The following SEL1L2 variants were observed in gnomAD, a reference collection of about 807,000 sequenced individuals.
SEL1L2 encodes SEL1L2 adaptor subunit of SYVN1 ubiquitin ligase, also known as protein sel-1 homolog 2.
A neutral mutation model predicts 98.8 loss-of-function variants in SEL1L2; 89 were observed. The ratio of observed to expected loss-of-function variants is 0.90; its 90% confidence interval spans 0.76 to 1.07. The LOEUF (loss-of-function observed/expected upper bound fraction) is 1.07, where lower values mean the gene tolerates loss of function less well. Among genes scored for constraint, SEL1L2 ranks in the 50% least tolerant of loss-of-function variants. SEL1L2 has a pLI of 0.00. For synonymous variants in SEL1L2, 262 were observed against 278.5 expected, an observed-to-expected ratio of 0.94 and a Z score of 0.59; for missense variants, 788 against 812.0, an observed-to-expected ratio of 0.97 and a Z score of 0.36.
chr20:13,964,996 T>G (rs1469342079), intron 1 of SEL1L2, among the ~76,000 whole-genome samples: 1 of 152,170 alleles, frequency 6.6e-6, no homozygotes, highest in South Asian at 2.1e-4. Context: ...TCTTTTGTTT[T>G]GAGTCTCCTA....
In SEL1L2 at chr20:13,858,715, A is replaced by T. The variant is rs888019803; in HGVS notation, c.1818+547T>A. 3.9e-5 allele frequency among the ~76,000 whole-genome samples: 6 copies of T among 152,224 alleles called. No homozygotes were observed. The East Asian group carries it at 5.8e-4, about 15-fold the overall frequency. ...CAGTGCTGGCTGTTTTTCTAAGTGA[A>T]TATGACTCATCGCCTCAAGTCAAGT... On this transcript the variant is annotated intron_variant, in intron 18 of 19. Coordinates refer to ENST00000284951, the MANE Select transcript of SEL1L2 (RefSeq NM_025229.2).
At chr20:13,939,864 G>A (rs1032981058) in intron 2 of SEL1L2, among the ~76,000 whole-genome samples, 4 of 151,902 alleles carry the variant, frequency 2.6e-5, no homozygotes, top group Non-Finnish European at 5.9e-5. Context: ...ATGGGGTTTC[G>A]CCATGTTGGC....
chr20:13,920,877 AT>A (rs2048637109), intron 3 of SEL1L2, among the ~76,000 whole-genome samples: 1 of 152,200 alleles, frequency 6.6e-6, no homozygotes, highest in Non-Finnish European at 1.5e-5. Context: ...ATTTAAAATT[AT>A]TTTGAATACT....
At position 13,911,925 on chromosome 20, in the gene SEL1L2, A is replaced by C. The variant is rs569270024; in HGVS notation, c.549+1857T>G. Among the ~76,000 whole-genome samples the C allele has an allele frequency of 7.2e-5, 11 of 152,238 alleles. No individual in the cohort carries two copies. The South Asian group carries it at 2.3e-3, about 32-fold the overall frequency. ...TCCTCCCACATATCTTTTCTTTATA[A>C]TGAAAGATTACAGTGTTCCAGGTAT... On this transcript the variant is annotated intron_variant, in intron 5 of 19. Transcript: ENST00000284951.
intron 3 of SEL1L2, among the ~76,000 whole-genome samples, chr20:13,925,052 T>C (rs2048824327): frequency 6.6e-6 from 1 of 152,046 alleles, no homozygotes; most frequent in Non-Finnish European, 1.5e-5. Flanking sequence ...GGTAGGACAA[T>C]TGCTTAAACC....
intron 10 of SEL1L2, among the ~76,000 whole-genome samples, chr20:13,884,771 T>G (rs534179121): frequency 6.6e-6 from 1 of 152,102 alleles, no homozygotes; most frequent in Non-Finnish European, 1.5e-5. Context: ...CCTCCCAAAG[T>G]GCTGAGATTA....
At chr20:13,938,370 C>T (rs189398558) in intron 2 of SEL1L2, among the ~76,000 whole-genome samples, 11 of 152,222 alleles carry the variant, frequency 7.2e-5, no homozygotes, top group South Asian at 4.1e-4. Context: ...TAAGCCACTG[C>T]GCCTGGTCCA....
chr20:13,982,788 G>A (rs1280227005), intron 1 of SEL1L2, among the ~76,000 whole-genome samples: 1 of 151,330 alleles, frequency 6.6e-6, no homozygotes, highest in African/African-American at 2.4e-5. Flanking sequence ...CACTTTGGGA[G>A]GCCAAGGCGG....
At chr20:13,872,939 G>T (rs2046270237) in intron 12 of SEL1L2, among the ~76,000 whole-genome samples, 1 of 152,076 alleles carries the variant, frequency 6.6e-6, no homozygotes, top group African/African-American at 2.4e-5. Context: ...CCAGCTGGTT[G>T]GTGCCACATG....
chr20:13,916,157 G>A (rs2048391139), intron 4 of SEL1L2, among the ~76,000 whole-genome samples: 1 of 152,198 alleles, frequency 6.6e-6, no homozygotes, highest in Non-Finnish European at 1.5e-5. Flanking sequence ...AGAAGAGGCT[G>A]AATGAGTGAA....
chr20:13,963,840 CA>C (rs2050897951), intron 1 of SEL1L2, among the ~76,000 whole-genome samples: 1 of 152,172 alleles, frequency 6.6e-6, no homozygotes, highest in Non-Finnish European at 1.5e-5. Flanking sequence ...AGTAGGAATA[CA>C]AACGGCAGTC....
At chr20:13,933,662 C>A (rs1056160368) in intron 2 of SEL1L2, among the ~76,000 whole-genome samples, 7 of 152,144 alleles carry the variant, frequency 4.6e-5, no homozygotes, top group Non-Finnish European at 8.8e-5. Context: ...GGGACCCAAG[C>A]AGATATTAAA....
chr20:13,973,557 A>G (rs927323042), intron 1 of SEL1L2: 4 of 152,238 alleles, frequency 2.6e-5, no homozygotes, highest in African/African-American at 9.6e-5. Flanking sequence ...CTAGTCTTCT[A>G]GGAATAGAGA....
chr20:13,961,815 T>C (rs914166280), intron 1 of SEL1L2, among the ~76,000 whole-genome samples: 2 of 152,170 alleles, frequency 1.3e-5, no homozygotes, highest in Non-Finnish European at 2.9e-5. Flanking sequence ...CCTGTCTCTG[T>C]AGTAGAGGAA....
At chr20:13,851,395 GTC>G (rs1384388056) in intron 18 of SEL1L2, 1 of 152,180 alleles carries the variant, frequency 6.6e-6, no homozygotes, top group Non-Finnish European at 1.5e-5. Flanking sequence ...GGCTTGGACT[GTC>G]TGTTCACCCC....
At chr20:13,929,673 T>A (rs370707657) in intron 3 of SEL1L2, among the ~76,000 whole-genome samples, 29 of 151,780 alleles carry the variant, frequency 1.9e-4, no homozygotes, top group African/African-American at 6.5e-4. Flanking sequence ...GCTAATTTTT[T>A]GTATTTTTAG....
chr20:13,939,799 TG>T (rs2049665650), intron 2 of SEL1L2, among the ~76,000 whole-genome samples: 1 of 151,496 alleles, frequency 6.6e-6, no homozygotes, highest in Non-Finnish European at 1.5e-5. Context: ...CCCAAGTAGC[TG>T]GGATTACAGG....
At position 13,849,254 on chromosome 20, in the gene SEL1L2, T is replaced by C. The variant is rs1037480633; in HGVS notation, c.*231A>G. 12 of 418,594 alleles carry C rather than the reference T, an allele frequency of 2.9e-5. No individual in the cohort carries two copies. Among genetic ancestry groups the C allele is most frequent in the African/African-American group, 2.2e-4 (11 of 50,044 alleles). The allele number at this position is 418,594 out of a possible 1,614,324, so 25.9% of individuals were successfully genotyped here. On this transcript the variant is annotated 3_prime_UTR_variant, in exon 20 of 20. Transcript: ENST00000284951. ...CTAGGTCACCAAGATGACAGATTGG[T>C]AACAAGGTCTTAGGTGACCAGTTCC...
intron 1 of SEL1L2, among the ~76,000 whole-genome samples, chr20:13,964,803 A>G (rs1400074915): frequency 6.6e-6 from 1 of 151,808 alleles, no homozygotes; most frequent in Non-Finnish European, 1.5e-5. Flanking sequence ...TTTCACATAG[A>G]TAACTTCTTT....
Sources: gnomAD v4.1 joint callset for allele counts (sites outside exome capture counted in the v4.1 genomes callset) on GRCh38, gnomAD v4.1.1 for gene constraint, MANE v1.5 for transcripts, NCBI Gene and HGNC (gene_info 2026-07-23, HGNC 2026-07-21) for gene names.